HECW2: variants seen among roughly 807,000 people sequenced by gnomAD.
HECW2 encodes the protein HECT, C2 and WW domain containing E3 ubiquitin protein ligase 2.
A neutral mutation model predicts 175.2 loss-of-function variants in HECW2; 61 were observed. That is an observed-to-expected ratio of 0.35 (90% CI 0.28 to 0.43). The LOEUF (loss-of-function observed/expected upper bound fraction) is 0.43. Ranked by LOEUF, HECW2 falls within the 20% of genes least tolerant of loss-of-function variation. HECW2 has a pLI of 1.00. For missense variants in HECW2, 1,524 were observed against 2,000.5 expected, an observed-to-expected ratio of 0.76 and a Z score of 4.54; for synonymous variants, 671 against 731.0, an observed-to-expected ratio of 0.92 and a Z score of 1.32.
At chr2:196,242,284 A>G (rs1391900049) in intron 19 of HECW2, 80 bp from the exon 20 acceptor site, 1 of 1,559,928 alleles carries the variant, frequency 6.4e-7, no homozygotes. Context: ...GACAAAAGCT[A>G]TCACAATCAA....
intron 17 of HECW2, among the ~76,000 whole-genome samples, chr2:196,270,007 A>T (rs1405726271): frequency 6.6e-6 from 1 of 152,208 alleles, no homozygotes; most frequent in East Asian, 1.9e-4. Flanking sequence ...TATTATATAA[A>T]GCTTCCCAGG....
intron 1 of HECW2, among the ~76,000 whole-genome samples, chr2:196,496,421 T>C (rs1559143234): frequency 6.8e-6 from 1 of 147,632 alleles, no homozygotes; most frequent in South Asian, 2.1e-4. Context: ...TATATATATA[T>C]AGTACATATA....
chr2:196,400,425 G>A (rs760452648), intron 2 of HECW2, among the ~76,000 whole-genome samples: 48 of 152,164 alleles, frequency 3.2e-4, no homozygotes, highest in Non-Finnish European at 5.6e-4. Flanking sequence ...TGAGTGAAAA[G>A]ATAAGCTTAG....
chr2:196,382,648 C>A (rs1350019452), intron 2 of HECW2, among the ~76,000 whole-genome samples: 1 of 152,014 alleles, frequency 6.6e-6, no homozygotes, highest in Non-Finnish European at 1.5e-5. Context: ...AATATAATAG[C>A]GGATTGTATT....
intron 1 of HECW2, among the ~76,000 whole-genome samples, chr2:196,506,555 A>G (rs1204677345): frequency 1.3e-5 from 2 of 152,022 alleles, no homozygotes; most frequent in African/African-American, 2.4e-5. Context: ...GCACACATAC[A>G]CACTTATTTC....
intron 1 of HECW2, among the ~76,000 whole-genome samples, chr2:196,523,622 T>C (rs377339765): frequency 0.079 from 12,031 of 151,418 alleles, 593 homozygotes; most frequent in South Asian, 0.15. Flanking sequence ...TTGTCATAGA[T>C]AGCTCTTATT....
At chr2:196,565,786 G>C (rs1052426785) in intron 1 of HECW2, among the ~76,000 whole-genome samples, 4 of 152,046 alleles carry the variant, frequency 2.6e-5, no homozygotes, top group Non-Finnish European at 5.9e-5. Context: ...AAATAATAAA[G>C]AATAATTGTT....
intron 1 of HECW2, among the ~76,000 whole-genome samples, chr2:196,471,877 T>C (rs1697210126): frequency 6.6e-6 from 1 of 151,264 alleles, no homozygotes; most frequent in African/African-American, 2.4e-5. Context: ...CTAAGTATAA[T>C]ATCTGGGTGA....
chr2:196,330,744 C>T (rs1575422878), intron 4 of HECW2, among the ~76,000 whole-genome samples: 1 of 152,122 alleles, frequency 6.6e-6, no homozygotes, highest in South Asian at 2.1e-4. Flanking sequence ...ACAAGAATCC[C>T]CCTAAGCTCT....
intron 1 of HECW2, among the ~76,000 whole-genome samples, chr2:196,589,880 G>A (rs1052858756): frequency 1.3e-4 from 20 of 152,050 alleles, no homozygotes; most frequent in African/African-American, 4.6e-4. Context: ...TAATAATATG[G>A]GCTTACAGCC....
chr2:196,457,936 G>A (rs1347281263), intron 1 of HECW2, among the ~76,000 whole-genome samples: 1 of 152,006 alleles, frequency 6.6e-6, no homozygotes, highest in Non-Finnish European at 1.5e-5. Flanking sequence ...TAATCAAAAG[G>A]GATAATAGCC....
At chr2:196,538,469 G>C (rs1689095490) in intron 1 of HECW2, among the ~76,000 whole-genome samples, 1 of 152,286 alleles carries the variant, frequency 6.6e-6, no homozygotes, top group South Asian at 2.1e-4. Flanking sequence ...ACCGCACTTA[G>C]CAGTCCTCAG....
At chr2:196,379,726 G>T (rs1694156091) in intron 2 of HECW2, among the ~76,000 whole-genome samples, 3 of 149,650 alleles carry the variant, frequency 2.0e-5, no homozygotes, top group Middle Eastern at 3.5e-3. Flanking sequence ...GGCACCTTAA[G>T]GACTTTCCTA....
intron 1 of HECW2, among the ~76,000 whole-genome samples, chr2:196,492,454 T>C (rs1231795720): frequency 6.6e-6 from 1 of 152,124 alleles, no homozygotes; most frequent in Non-Finnish European, 1.5e-5. Flanking sequence ...CAACAACTTA[T>C]GGAAGAGTAA....
At chr2:196,223,309 G>C (rs760763667) in intron 23 of HECW2, among the ~76,000 whole-genome samples, 32 of 152,320 alleles carry the variant, frequency 2.1e-4, no homozygotes, top group Non-Finnish European at 3.7e-4. Flanking sequence ...GGTAGGGATA[G>C]GGATTTAGGT....
chr2:196,389,909 T>G (rs531663134), intron 2 of HECW2, among the ~76,000 whole-genome samples: 1 of 152,236 alleles, frequency 6.6e-6, no homozygotes, highest in African/African-American at 2.4e-5. Flanking sequence ...GAACAGCCAC[T>G]GGATGGACAC....
chr2:196,308,795 A>G (rs1691368944), intron 10 of HECW2, among the ~76,000 whole-genome samples: 1 of 152,236 alleles, frequency 6.6e-6, no homozygotes, highest in Non-Finnish European at 1.5e-5. Flanking sequence ...CTTCAGAGTC[A>G]GACACCCCAC....
chr2:196,266,284 C>T (rs935039878), intron 17 of HECW2, among the ~76,000 whole-genome samples: 1 of 151,614 alleles, frequency 6.6e-6, no homozygotes, highest in East Asian at 1.9e-4. Context: ...GAGGTTGATG[C>T]TGCAGTCAGC....
chr2:196,520,554 C>A (rs186570038), intron 1 of HECW2, among the ~76,000 whole-genome samples: 1 of 152,292 alleles, frequency 6.6e-6, no homozygotes, highest in Non-Finnish European at 1.5e-5. Context: ...CTAATAAACA[C>A]ATTTACATGA....
Sources: gnomAD v4.1 joint callset for allele counts (sites outside exome capture counted in the v4.1 genomes callset) on GRCh38, gnomAD v4.1.1 for gene constraint, MANE v1.5 for transcripts, NCBI Gene and HGNC (gene_info 2026-07-23, HGNC 2026-07-21) for gene names.